PHF5A: variants seen among roughly 807,000 people sequenced by gnomAD.
PHF5A encodes the protein PHD finger protein 5A, also known as PHD finger-like domain-containing protein 5A.
For synonymous variants in PHF5A, 52 were observed against 46.0 expected (o/e 1.13, Z -0.52); for missense variants, 24 against 140.6 (o/e 0.17, Z 4.19).
chr22:41,467,943 A>G, intron 2 of PHF5A, 181 bp downstream of exon 2: 1 of 648,900 alleles, frequency 1.5e-6, no homozygotes, highest in Non-Finnish European at 2.7e-6. Flanking sequence ...CTAGAGAGAT[A>G]CAGCGTTAAA....
intron 3 of PHF5A, among the ~76,000 whole-genome samples, chr22:41,463,101 T>G (rs1439996935): frequency 6.6e-6 from 1 of 151,824 alleles, no homozygotes; most frequent in East Asian, 1.9e-4. Flanking sequence ...CTCGAACTCC[T>G]GACCTCATGA....
Position 41,468,659 on chromosome 22 carries a change from C to T in PHF5A, c.-6G>A. On this transcript the variant is annotated 5_prime_UTR_variant, in exon 1 of 4. Transcript: ENST00000216252. ...TCAGGATGATGTTTAGCCATAGCTC[C>T]TAACTAAGCCGGCCACCGGAAGCTT... The T allele has an allele frequency of 1.9e-6, 3 of 1,614,052 alleles. No homozygotes were observed. Among genetic ancestry groups the T allele is most frequent in the Admixed American group, 1.7e-5 (1 of 60,020 alleles).
chr22:41,459,910 C>CG lies in PHF5A; in HGVS notation c.*487_*488insC, dbSNP rs1181976830. The CG allele has an allele frequency of 2.0e-5, 2 of 100,532 alleles. 1 individual carries two copies. Among genetic ancestry groups the CG allele is most frequent in the Non-Finnish European group, 3.9e-5 (2 of 51,746 alleles). 6.2% of individuals were successfully genotyped at this position (100,532 alleles called of 1,614,324 possible). ...AGAGGGCAGAGCCCTGCCCCCCCAC[C>CG]CCCCCCCCAAAAAAAACGGGAAATG... On this transcript the variant is annotated 3_prime_UTR_variant, in exon 4 of 4. Coordinates refer to ENST00000216252, the MANE Select transcript of PHF5A (RefSeq NM_032758.4).
At chr22:41,468,327 T>A (rs765539216) in intron 1 of PHF5A, 180 bp from the exon 2 acceptor site, 2 of 667,452 alleles carry the variant, frequency 3.0e-6, no homozygotes, top group Non-Finnish European at 5.2e-6. Context: ...AGCACCCTCC[T>A]GAATCTCCTC....
intron 2 of PHF5A, 123 bp downstream of exon 2, chr22:41,468,001 G>T: frequency 9.9e-7 from 1 of 1,006,658 alleles, no homozygotes; most frequent in Non-Finnish European, 1.5e-6. Context: ...CTAAAGTGCA[G>T]CATTCAGTGT....
At chr22:41,460,990 T>C (rs907689784) in intron 3 of PHF5A, among the ~76,000 whole-genome samples, 3 of 151,912 alleles carry the variant, frequency 2.0e-5, no homozygotes, top group African/African-American at 4.8e-5. Context: ...CTGGCCAACA[T>C]GGTAAAACCC....
intron 1 of PHF5A, 168 bp downstream of exon 1, chr22:41,468,434 T>G: frequency 1.6e-6 from 1 of 631,474 alleles, no homozygotes. Context: ...CCCCGCCCTC[T>G]TCTCATCAGA....
At chr22:41,466,977 G>C (rs2037870841) in intron 3 of PHF5A, among the ~76,000 whole-genome samples, 1 of 150,014 alleles carries the variant, frequency 6.7e-6, no homozygotes, top group African/African-American at 2.5e-5. Flanking sequence ...GGGCCACAGA[G>C]CAAGAGACCC....
intron 3 of PHF5A, among the ~76,000 whole-genome samples, chr22:41,464,218 C>G (rs1391263671): frequency 2.0e-5 from 3 of 152,156 alleles, no homozygotes; most frequent in African/African-American, 7.2e-5. Context: ...TAGCAATGTC[C>G]ATAGACATCA....
intron 3 of PHF5A, 31 bp from the exon 4 acceptor site, chr22:41,460,518 C>A: frequency 6.4e-7 from 1 of 1,551,228 alleles, no homozygotes; most frequent in South Asian, 1.2e-5. Context: ...GTTGTTAAGT[C>A]TTTGAGCCTG....
chr22:41,461,695 GCT>G (rs923858373), intron 3 of PHF5A, among the ~76,000 whole-genome samples: 1 of 151,722 alleles, frequency 6.6e-6, no homozygotes, highest in Non-Finnish European at 1.5e-5. Flanking sequence ...ACGGAGTCTT[GCT>G]CTGTTGCCAA....
intron 3 of PHF5A, among the ~76,000 whole-genome samples, 169 bp downstream of exon 3, chr22:41,467,279 A>C (rs1200807008): frequency 7.2e-5 from 11 of 152,140 alleles, no homozygotes; most frequent in Non-Finnish European, 1.2e-4. Flanking sequence ...ATGCAAAATA[A>C]CTGCCTTTTA....
At chr22:41,468,327 T>G (rs765539216) in intron 1 of PHF5A, 180 bp from the exon 2 acceptor site, 2 of 667,452 alleles carry the variant, frequency 3.0e-6, no homozygotes, top group East Asian at 5.5e-5. Flanking sequence ...AGCACCCTCC[T>G]GAATCTCCTC....
chr22:41,465,661 C>T (rs1320138872), intron 3 of PHF5A, among the ~76,000 whole-genome samples: 6 of 152,086 alleles, frequency 3.9e-5, no homozygotes, highest in South Asian at 2.1e-4. Context: ...ATGGGTGGAT[C>T]GCAAGGTCAG....
At chr22:41,464,507 G>A (rs1257512724) in intron 3 of PHF5A, among the ~76,000 whole-genome samples, 1 of 152,174 alleles carries the variant, frequency 6.6e-6, no homozygotes, top group East Asian at 1.9e-4. Flanking sequence ...CATCTCAAAT[G>A]TCCTCAGAAC....
intron 3 of PHF5A, among the ~76,000 whole-genome samples, chr22:41,465,764 C>T (rs2037861691): frequency 6.6e-6 from 1 of 152,104 alleles, no homozygotes; most frequent in South Asian, 2.1e-4. Context: ...CCTGTAGTCC[C>T]AGCTACTCGG....
At chr22:41,463,024 C>T (rs1191369056) in intron 3 of PHF5A, among the ~76,000 whole-genome samples, 1 of 151,968 alleles carries the variant, frequency 6.6e-6, no homozygotes, top group Non-Finnish European at 1.5e-5. Context: ...CAGGCACCCA[C>T]CACCGCACCC....
intron 3 of PHF5A, among the ~76,000 whole-genome samples, chr22:41,462,042 G>T (rs1369317335): frequency 6.6e-6 from 1 of 152,168 alleles, no homozygotes; most frequent in African/African-American, 2.4e-5. Context: ...GGTCTTGGGG[G>T]TACAGAGCAC....
At chr22:41,467,682 AAT>A in intron 2 of PHF5A, 68 bp from the exon 3 acceptor site, 1 of 831,020 alleles carries the variant, frequency 1.2e-6, no homozygotes, top group South Asian at 1.9e-5. Flanking sequence ...GCCATGGGGA[AAT>A]ATACTAGTCT....
Sources: gnomAD v4.1 joint callset for allele counts (sites outside exome capture counted in the v4.1 genomes callset) on GRCh38, gnomAD v4.1.1 for gene constraint, MANE v1.5 for transcripts, NCBI Gene and HGNC (gene_info 2026-07-23, HGNC 2026-07-21) for gene names.